The following SLC35D2 variants were observed in gnomAD, a reference collection of about 807,000 sequenced individuals.
SLC35D2 encodes the protein nucleotide sugar transporter SLC35D2.
A neutral mutation model predicts 41.8 loss-of-function variants in SLC35D2; 43 were observed. The ratio of observed to expected loss-of-function variants is 1.03; its 90% CI spans 0.81 to 1.33. The LOEUF (loss-of-function observed/expected upper bound fraction) is 1.33, where lower values mean the gene tolerates loss of function less well. SLC35D2 is among the 40% of genes most tolerant of loss of function. The probability of loss-of-function intolerance (pLI) is 0.00; values close to 1 mark genes in which losing one functional copy is unlikely to be tolerated. For synonymous variants in SLC35D2, 150 were observed against 163.9 expected, an observed-to-expected ratio of 0.92 and a Z score of 0.65; for missense variants, 380 against 408.4, an observed-to-expected ratio of 0.93 and a Z score of 0.60.
intron 2 of SLC35D2, 63 bp from the exon 3 acceptor site, chr9:96,364,613 G>A: frequency 1.1e-6 from 1 of 915,614 alleles, no homozygotes; most frequent in Non-Finnish European, 1.8e-6. Context: ...GAGGTACAAT[G>A]ACATCATCAA....
chr9:96,348,827 G>A (rs565396092), intron 6 of SLC35D2, among the ~76,000 whole-genome samples: 51 of 152,272 alleles, frequency 3.3e-4, no homozygotes, highest in African/African-American at 7.5e-4. Context: ...TGTGAAGCAC[G>A]GACTGGATTT....
At chr9:96,336,050 CAAA>C (rs56681611) in intron 9 of SLC35D2, among the ~76,000 whole-genome samples, 5 of 110,226 alleles carry the variant, frequency 4.5e-5, no homozygotes, top group Non-Finnish European at 3.9e-5. Flanking sequence ...ACTCCATCTT[CAAA>C]AAAAAAAAAA....
rs556634974 is a variant in SLC35D2, at chr9:96,363,733, C to G, written c.279+731G>C. 5.3e-5 allele frequency among the ~76,000 whole-genome samples: 8 copies of G among 152,284 alleles called. No homozygotes were observed. The South Asian group carries it at 1.7e-3, about 32-fold the overall frequency. On this transcript the variant is annotated intron_variant, in intron 3 of 11. Coordinates refer to ENST00000253270, the MANE Select transcript of SLC35D2 (RefSeq NM_007001.3). Reference sequence around the variant, plus strand: ...AAACAGAAATCAGTAAACTAGAGCTCAAATCCAGCCCAGCTCTTGTTTATG... The same window carrying G: ...AAACAGAAATCAGTAAACTAGAGCTGAAATCCAGCCCAGCTCTTGTTTATG...
At chr9:96,320,527 A>T (rs1402751031), downstream of SLC35D2, among the ~76,000 whole-genome samples, 4 of 152,068 alleles carry the variant, frequency 2.6e-5, no homozygotes, top group Non-Finnish European at 4.4e-5. Context: ...AAAAAAAAAA[A>T]AAAATAGCTA....
At chr9:96,358,107 T>TATATAC (rs1564114171) in intron 4 of SLC35D2, among the ~76,000 whole-genome samples, 2 of 138,504 alleles carry the variant, frequency 1.4e-5, no homozygotes, top group African/African-American at 5.6e-5. Flanking sequence ...TATATATATA[T>TATATAC]ACCTGCAATG....
At chr9:96,379,845 A>G (rs931432977) in intron 1 of SLC35D2, among the ~76,000 whole-genome samples, 1 of 150,950 alleles carries the variant, frequency 6.6e-6, no homozygotes, top group African/African-American at 2.4e-5. Flanking sequence ...CAAGAACTCC[A>G]TTTTCTCCTT....
intron 8 of SLC35D2, among the ~76,000 whole-genome samples, chr9:96,338,614 G>A (rs946281541): frequency 2.0e-5 from 3 of 151,798 alleles, no homozygotes; most frequent in Non-Finnish European, 2.9e-5. Context: ...TGGCTGATGG[G>A]CATATATGTG....
chr9:96,317,374 C>A (rs866565226), downstream of SLC35D2, among the ~76,000 whole-genome samples: 5 of 152,212 alleles, frequency 3.3e-5, no homozygotes, highest in Middle Eastern at 3.4e-3. Context: ...CAGAGCCTTT[C>A]CATACCACTT....
chr9:96,321,260 A>G lies in SLC35D2; in HGVS notation c.996T>C (p.Cys332=). 3 of 1,613,584 alleles carry G rather than the reference A, an allele frequency of 1.9e-6. No individual in the cohort carries two copies. The highest frequency in any genetic ancestry group is 2.5e-6 in the Non-Finnish European group (3 of 1,179,578). Residue 332 remains cysteine (C), a synonymous_variant, in exon 12 of 12, where the codon TGT becomes TGC. Coordinates refer to ENST00000253270, the MANE Select transcript of SLC35D2 (RefSeq NM_007001.3). ...KPKPVGEENI[C]LDLKS ...AGACTCTTTAGCTCTTCAAATCCAA[A>G]CAGATGTTTTCTTCACCCACAGGTT...
intron 1 of SLC35D2, among the ~76,000 whole-genome samples, chr9:96,380,332 T>C (rs1831143376): frequency 6.6e-6 from 1 of 152,206 alleles, no homozygotes; most frequent in South Asian, 2.1e-4. Context: ...AGGTGTTGAC[T>C]GCCATGGTCA....
chr9:96,358,080 TTATATATATATATA>T (rs34633441), intron 4 of SLC35D2, among the ~76,000 whole-genome samples: 13 of 122,694 alleles, frequency 1.1e-4, no homozygotes, highest in Non-Finnish European at 1.4e-4. Context: ...ATTATATATT[TTATATATATATATA>T]TATATATATA....
At chr9:96,375,136 C>T (rs1004812458) in intron 1 of SLC35D2, among the ~76,000 whole-genome samples, 23 of 151,258 alleles carry the variant, frequency 1.5e-4, no homozygotes, top group African/African-American at 4.8e-4. Context: ...GGATTACAAG[C>T]GCCCACCACG....
intron 9 of SLC35D2, among the ~76,000 whole-genome samples, chr9:96,328,916 C>T (rs1182454776): frequency 6.6e-6 from 1 of 151,936 alleles, no homozygotes; most frequent in Non-Finnish European, 1.5e-5. Flanking sequence ...GGTGAAACCC[C>T]GTCTCTACTA....
chr9:96,341,250 G>A (rs1829312806), intron 8 of SLC35D2, among the ~76,000 whole-genome samples: 3 of 152,132 alleles, frequency 2.0e-5, no homozygotes, highest in South Asian at 4.1e-4. Context: ...TCATGCCACT[G>A]CACTCCAGCC....
intron 11 of SLC35D2, chr9:96,314,980 T>C (rs1415561815): frequency 6.6e-6 from 1 of 152,184 alleles, no homozygotes; most frequent in East Asian, 1.9e-4. Context: ...GTTAGTAGGT[T>C]TACCTGAATC....
At chr9:96,323,985 G>T in intron 10 of SLC35D2, 106 bp downstream of exon 10, 1 of 934,452 alleles carries the variant, frequency 1.1e-6, no homozygotes, top group Admixed American at 1.9e-5. Context: ...CACAGCCCTC[G>T]TTCTTACACC....
At chr9:96,337,827 C>T (rs1325341944) in intron 8 of SLC35D2, among the ~76,000 whole-genome samples, 2 of 151,460 alleles carry the variant, frequency 1.3e-5, no homozygotes, top group Non-Finnish European at 2.9e-5. Flanking sequence ...ACGAAAAATA[C>T]AAAAATTAGC....
chr9:96,329,807 G>A (rs1828726193), intron 9 of SLC35D2, among the ~76,000 whole-genome samples: 1 of 152,234 alleles, frequency 6.6e-6, no homozygotes, highest in Non-Finnish European at 1.5e-5. Flanking sequence ...AAGAAGGAAT[G>A]ATATTTGGCT....
chr9:96,367,100 A>C (rs1347826742), intron 2 of SLC35D2, among the ~76,000 whole-genome samples: 5 of 151,118 alleles, frequency 3.3e-5, no homozygotes. Flanking sequence ...CGCACCTGTA[A>C]TCCCAGGTAC....
Sources: allele counts gnomAD v4.1 joint callset (sites outside exome capture counted in the v4.1 genomes callset), GRCh38; gene constraint gnomAD v4.1.1; transcripts MANE v1.5; gene names NCBI Gene and HGNC (gene_info 2026-07-23, HGNC 2026-07-21).